The following CYP8B1 variants were observed in gnomAD, a reference collection of about 807,000 sequenced individuals.
CYP8B1 encodes the protein 7-alpha-hydroxycholest-4-en-3-one 12-alpha-hydroxylase.
For missense variants in CYP8B1, 594 were observed against 643.7 expected (o/e 0.92, Z 0.84); for synonymous variants, 221 against 251.2 (o/e 0.88, Z 1.14).
chr3:42,874,876 TG>T lies in CYP8B1; in HGVS notation c.940del (p.Gln314ArgfsTer27). The stretch of plus-strand genomic sequence containing the variant: ...CTCCAGCCTGGCCTCACCCAGGACC[TG>T]GGTAGCTTCCTCCCTCACAGCCCGA... Reference protein sequence around the residue: ...AIRAVREEATQVLGEARLETK... With the variant: ...AIRAVREEATXVLGEARLETK... On this transcript the variant is annotated frameshift_variant, in exon 1 of 1. Coordinates refer to ENST00000316161, the MANE Select transcript of CYP8B1 (RefSeq NM_004391.3). LOFTEE classifies it low-confidence loss of function (END_TRUNC). 6.3e-7 allele frequency: 1 copy of T among 1,598,596 alleles called. No homozygotes were observed. The highest frequency in any genetic ancestry group is 8.5e-7 in the Non-Finnish European group (1 of 1,171,062).
rs1262756707 is a variant in CYP8B1, at chr3:42,875,493, C to T, written c.324G>A (p.Leu108=). Residue 108 remains leucine (L), a synonymous_variant, in exon 1 of 1, where the codon CTG becomes CTA. Transcript: ENST00000316161. ...DFGQYAKKLV[L]KVFGYRSVQG... ...GCACTGAACGGTATCCAAATACCTT[C>T]AGCACCAGTTTTTTTGCATATTGCC... The T allele has an allele frequency of 6.4e-7, 1 of 1,559,238 alleles. No individual in the cohort carries two copies. The highest frequency in any genetic ancestry group is 2.3e-5 in the East Asian group (1 of 44,014).
At position 42,874,509 on chromosome 3, in the gene CYP8B1, G is replaced by T. The variant is rs138292874; in HGVS notation, c.1308C>A (p.Gly436=). 1,005 of 1,614,072 alleles carry T rather than the reference G, an allele frequency of 6.2e-4. No individual in the cohort carries two copies. Among genetic ancestry groups the T allele is most frequent in the Middle Eastern group, 2.1e-3 (13 of 6,062 alleles). Residue 436 remains glycine (G), a synonymous_variant, in exon 1 of 1, where the codon GGC becomes GGA. Coordinates refer to ENST00000316161, the MANE Select transcript of CYP8B1 (RefSeq NM_004391.3). ...AGAACCTCCCAGGGCAGATGGAAAC[G>T]CCCGAACCCCAGGGCATGGTGTAGT... The part of the protein sequence containing the change: ...IHHYTMPWGS[G]VSICPGRFFA...
chr3:42,875,541 G>A lies in CYP8B1; in HGVS notation c.276C>T (p.Asp92=). ...GCCCAAAGTCTAGTTTTCTCTGTGT[G>A]TCCTTGAGGATGGAGCCAAAGGAGA... ...DPLSFGSILK[D]TQRKLDFGQY... is the part of the protein sequence containing the mutation. The change falls in exon 1 of 1, where the codon GAC becomes GAT. Residue 92 remains aspartate (D), a synonymous_variant. Transcript: ENST00000316161. 6.5e-7 allele frequency: 1 copy of A among 1,532,594 alleles called. No homozygotes were observed. The highest frequency in any genetic ancestry group is 8.8e-7 in the Non-Finnish European group (1 of 1,138,418). 94.9% of individuals were successfully genotyped at this position (1,532,594 alleles called of 1,614,324 possible). A position where few individuals can be genotyped will look rare whatever the true frequency, so the allele number is the denominator to read the frequency against.
In CYP8B1 at chr3:42,875,403, A is replaced by T. The variant is rs769140693; in HGVS notation, c.414T>A (p.Asp138Glu). ...TKHLRGDGLK[D>E]LNETMLDSLS... ...GGCTGTCCAGCATGGTCTCATTAAG[A>T]TCCTTCAAGCCATCCCCCCTCAGAT... Residue 138 changes from aspartate to glutamate, a missense_variant, in exon 1 of 1, where the codon GAT becomes GAA. Asp to Glu is a conservative substitution (Grantham distance 45). Transcript: ENST00000316161. The T allele has an allele frequency of 6.2e-7, 1 of 1,614,024 alleles. No individual in the cohort carries two copies. Among genetic ancestry groups the T allele is most frequent in the Non-Finnish European group, 8.5e-7 (1 of 1,179,930 alleles).
rs1378217461 is a variant in CYP8B1 at position 42,872,570 on chromosome 3, C to T, written c.*1741G>A. 6.6e-6 allele frequency: 1 copy of T among 152,186 alleles called. No homozygotes were observed. The highest frequency in any genetic ancestry group is 1.5e-5 in the Non-Finnish European group (1 of 68,048). The allele number at this position is 152,186 out of a possible 1,614,324, so 9.4% of individuals were successfully genotyped here. ...GGTATGTGAAGGCAAGGGGGACCAA[C>T]TGTGACAAAATGTAAACGTCAAGTG... On this transcript the variant is annotated 3_prime_UTR_variant, in exon 1 of 1. Coordinates refer to ENST00000316161, the MANE Select transcript of CYP8B1 (RefSeq NM_004391.3).
rs2088512653 is a variant in CYP8B1 at position 42,875,627 on chromosome 3, G to T, written c.190C>A (p.His64Asn). 6.7e-7 allele frequency: 1 copy of T among 1,488,192 alleles called. No individual in the cohort carries two copies. The highest frequency in any genetic ancestry group is 2.4e-5 in the East Asian group (1 of 41,554). The allele number at this position is 1,488,192 out of a possible 1,614,324, so 92.2% of individuals were successfully genotyped here. ...AGCTGCACTGTGAACACATCCCCATGCTTGGTCCTCATGCGCTTCAGAAAT... is the reference window on the plus strand; with the variant it reads ...AGCTGCACTGTGAACACATCCCCATTCTTGGTCCTCATGCGCTTCAGAAAT... ...FEFLKRMRTK[H>N]GDVFTVQLGG... The change falls in exon 1 of 1, where the codon CAT becomes AAT. Residue 64 changes from histidine (H) to asparagine (N), a missense_variant. Transcript: ENST00000316161.
rs1330518106 is a variant in CYP8B1, at chr3:42,873,416, G to A, written c.*895C>T. 6.6e-6 allele frequency: 1 copy of A among 151,948 alleles called. No individual in the cohort carries two copies. Among genetic ancestry groups the A allele is most frequent in the Non-Finnish European group, 1.5e-5 (1 of 68,056 alleles). The allele number at this position is 151,948 out of a possible 1,614,324, so 9.4% of individuals were successfully genotyped here. A position where few individuals can be genotyped will look rare whatever the true frequency, so the allele number is the denominator to read the frequency against. On this transcript the variant is annotated 3_prime_UTR_variant, in exon 1 of 1. Transcript: ENST00000316161. ...AATAGGGCAGCCACCTGCCACACAC[G>A]GCAATTAAGCACTTGGAATGTGGCT...
In CYP8B1 at chr3:42,874,623, A is replaced by G; in HGVS notation, c.1194T>C (p.Pro398=). 6.2e-7 allele frequency: 1 copy of G among 1,614,070 alleles called. No individual in the cohort carries two copies. Among genetic ancestry groups the G allele is most frequent in the Non-Finnish European group, 8.5e-7 (1 of 1,180,006 alleles). ...GATCGTACTTGAAGACGGTGGGCTC[A>G]GGGTGGATGTCAGGGTCCATGTGCA... is the stretch of plus-strand genomic sequence containing the variant. The part of the protein sequence containing the change: ...LSVHMDPDIH[P]EPTVFKYDRF... Residue 398 remains proline (P), a synonymous_variant, in exon 1 of 1, where the codon CCT becomes CCC. Transcript: ENST00000316161.
Position 42,875,430 on chromosome 3 carries a change from C to T in CYP8B1, c.387G>A (p.Lys129=). ...DHEMIHSAST[K]HLRGDGLKDL... ...CCTTCAAGCCATCCCCCCTCAGATG[C>T]TTGGTGCTGGCTGAGTGTATCATCT... Residue 129 remains lysine (K), a synonymous_variant, in exon 1 of 1, where the codon AAG becomes AAA. Transcript: ENST00000316161. The T allele has an allele frequency of 6.2e-7, 1 of 1,613,032 alleles. No individual in the cohort carries two copies. Among genetic ancestry groups the T allele is most frequent in the Non-Finnish European group, 8.5e-7 (1 of 1,179,238 alleles).
In CYP8B1 at chr3:42,874,169, G is replaced by T. The variant is rs2088495492; in HGVS notation, c.*142C>A. ...AGATGACTAGGCGGGGAGAGAGCGA[G>T]GACAGGCAGAACAGAGGTAGGGGGT... On this transcript the variant is annotated 3_prime_UTR_variant, in exon 1 of 1. Coordinates refer to ENST00000316161, the MANE Select transcript of CYP8B1 (RefSeq NM_004391.3). The T allele has an allele frequency of 3.1e-6, 2 of 653,404 alleles. No individual in the cohort carries two copies. Among genetic ancestry groups the T allele is most frequent in the Non-Finnish European group, 5.2e-6 (2 of 383,052 alleles). The allele number at this position is 653,404 out of a possible 1,614,324, so 40.5% of individuals were successfully genotyped here.
Position 42,874,166 on chromosome 3 carries a change from C to A in CYP8B1, c.*145G>T, listed in dbSNP as rs1384176783. 1.2e-5 allele frequency: 8 copies of A among 645,948 alleles called. No homozygotes were observed. In the South Asian group the frequency reaches 1.4e-4, roughly 11 times the overall value. 40.0% of individuals were successfully genotyped at this position (645,948 alleles called of 1,614,324 possible). On this transcript the variant is annotated 3_prime_UTR_variant, in exon 1 of 1. Transcript: ENST00000316161. ...GTCAGATGACTAGGCGGGGAGAGAGCGAGGACAGGCAGAACAGAGGTAGGG... is the reference window on the plus strand; with the variant it reads ...GTCAGATGACTAGGCGGGGAGAGAGAGAGGACAGGCAGAACAGAGGTAGGG...
rs1445555530 is a variant in CYP8B1, at chr3:42,872,462, A to G, written c.*1849T>C. On this transcript the variant is annotated 3_prime_UTR_variant, in exon 1 of 1. Coordinates refer to ENST00000316161, the MANE Select transcript of CYP8B1 (RefSeq NM_004391.3). ...TGGCACTGGGATGGGCAGGAACAGC[A>G]ATGTCTCTACTGATGGTTTCATTGG... is the stretch of plus-strand genomic sequence containing the variant. The G allele has an allele frequency of 6.6e-6, 1 of 152,270 alleles. No individual in the cohort carries two copies. The allele number at this position is 152,270 out of a possible 1,614,324, so 9.4% of individuals were successfully genotyped here. A position where few individuals can be genotyped will look rare whatever the true frequency, so the allele number is the denominator to read the frequency against.
Position 42,873,732 on chromosome 3 carries a change from G to A in CYP8B1, c.*579C>T, listed in dbSNP as rs1286175062. ...CAGGAGAATTGCTTAAACCCAGGAGGCAGAGGTTGCAGTGAGCAGAGATCG... is the reference window on the plus strand; with the variant it reads ...CAGGAGAATTGCTTAAACCCAGGAGACAGAGGTTGCAGTGAGCAGAGATCG... On this transcript the variant is annotated 3_prime_UTR_variant, in exon 1 of 1. Coordinates refer to ENST00000316161, the MANE Select transcript of CYP8B1 (RefSeq NM_004391.3). 1 of 152,568 alleles carries A rather than the reference G, an allele frequency of 6.6e-6. No individual in the cohort carries two copies. Among genetic ancestry groups the A allele is most frequent in the Non-Finnish European group, 1.5e-5 (1 of 68,386 alleles). The allele number at this position is 152,568 out of a possible 1,614,324, so 9.5% of individuals were successfully genotyped here. A position where few individuals can be genotyped will look rare whatever the true frequency, so the allele number is the denominator to read the frequency against.
rs1575398433 is a variant in CYP8B1, at chr3:42,874,223, G to T, written c.*88C>A. On this transcript the variant is annotated 3_prime_UTR_variant, in exon 1 of 1. Transcript: ENST00000316161. ...ACAGGACCAGAGGGAGGGGTGGCCA[G>T]TGGGGTCTTGGGGCTGCAGAGGGGT... 3 of 1,229,144 alleles carry T rather than the reference G, an allele frequency of 2.4e-6. No homozygotes were observed. Among genetic ancestry groups the T allele is most frequent in the Non-Finnish European group, 3.4e-6 (3 of 878,442 alleles). The allele number at this position is 1,229,144 out of a possible 1,614,324, so 76.1% of individuals were successfully genotyped here.
chr3:42,875,504 T>G lies in CYP8B1; in HGVS notation c.313A>C (p.Lys105Gln), dbSNP rs781696877. ...RKLDFGQYAK[K>Q]LVLKVFGYRS... ...TATCCAAATACCTTCAGCACCAGTT[T>G]TTTTGCATATTGCCCAAAGTCTAGT... Residue 105 changes from lysine to glutamine, a missense_variant, in exon 1 of 1, where the codon AAA (lysine) becomes CAA (glutamine). Physicochemically the swap from Lys to Gln is moderately conservative, Grantham distance 53. Coordinates refer to ENST00000316161, the MANE Select transcript of CYP8B1 (RefSeq NM_004391.3). The G allele has an allele frequency of 6.5e-7, 1 of 1,549,556 alleles. No homozygotes were observed. Among genetic ancestry groups the G allele is most frequent in the South Asian group, 1.2e-5 (1 of 81,174 alleles).
In CYP8B1 at chr3:42,874,790, C is replaced by T. The variant is rs759570260; in HGVS notation, c.1027G>A (p.Val343Met). The T allele has an allele frequency of 2.2e-5, 36 of 1,613,934 alleles. No homozygotes were observed. Among genetic ancestry groups the T allele is most frequent in the Middle Eastern group, 1.6e-4 (1 of 6,084 alleles). Residue 343 changes from valine to methionine, a missense_variant, in exon 1 of 1, where the codon GTG becomes ATG. Transcript: ENST00000316161. ...ALQHTPVLDSVVEETLRLRAA... is the reference protein window; with the variant it reads ...ALQHTPVLDSMVEETLRLRAA... ...CTCAGCCGCAGCGTCTCCTCCACCA[C>T]GCTGTCTAGAACTGGGGTGTGTTGC...
In CYP8B1 at chr3:42,875,033, G is replaced by C; in HGVS notation, c.784C>G (p.Leu262Val). ...SNWLGNMLQF[L>V]REQGVPSAMQ... ...GCTGAGGGTACCCCCTGCTCCCTCA[G>C]AAACTGAAGCATGTTGCCCAGCCAG... Residue 262 changes from leucine (L) to valine (V), a missense_variant, in exon 1 of 1, where the codon CTG becomes GTG. Transcript: ENST00000316161. 1 of 1,613,928 alleles carries C rather than the reference G, an allele frequency of 6.2e-7. No homozygotes were observed. The highest frequency in any genetic ancestry group is 1.1e-5 in the South Asian group (1 of 91,078).
rs756447307 is a variant in CYP8B1 at position 42,874,724 on chromosome 3, T to C, written c.1093A>G (p.Thr365Ala). The C allele has an allele frequency of 1.2e-5, 19 of 1,613,824 alleles. No homozygotes were observed. In the Middle Eastern group the frequency reaches 9.9e-4, roughly 84 times the overall value. The change falls in exon 1 of 1, where the codon ACC becomes GCC. Residue 365 changes from threonine (T) to alanine (A), a missense_variant. Thr to Ala is a moderately conservative substitution (Grantham distance 58, BLOSUM62 0). Transcript: ENST00000316161. ...TCCTGCCCACTGGACATCTTCAGGG[T>C]ATAGTCTTCATGAACCAACCTGAGG... ...TLLRLVHEDY[T>A]LKMSSGQEYL...
rs775891073 is a variant in CYP8B1, at chr3:42,874,395, A to G, written c.1422T>C (p.His474=). The G allele has an allele frequency of 3.1e-6, 5 of 1,614,094 alleles. No homozygotes were observed. Among genetic ancestry groups the G allele is most frequent in the Admixed American group, 3.3e-5 (2 of 60,014 alleles). The stretch of plus-strand genomic sequence containing the variant: ...CAAAACCCCAGCGCTGCGGGTCAAC[A>G]TGGGGTAGTGGTGTGTCAGGGTCCA... ...ELVDPDTPLP[H]VDPQRWGFGT... The change falls in exon 1 of 1, where the codon CAT becomes CAC. Residue 474 remains histidine (H), a synonymous_variant. Coordinates refer to ENST00000316161, the MANE Select transcript of CYP8B1 (RefSeq NM_004391.3).
Sources: allele counts gnomAD v4.1 joint callset, GRCh38; gene constraint gnomAD v4.1.1; transcripts MANE v1.5; gene names NCBI Gene and HGNC (gene_info 2026-07-23, HGNC 2026-07-21).